The following SORCS1 variants were observed in gnomAD, a reference collection of about 807,000 sequenced individuals.
The protein encoded by SORCS1 is sortilin related VPS10 domain containing receptor 1.
Under a neutral mutation model 146.1 loss-of-function variants are expected in SORCS1, and 60 were observed. That is an observed-to-expected ratio of 0.41 (90% confidence interval 0.33 to 0.51). SORCS1 has a LOEUF of 0.51. SORCS1 is among the 20% of genes least tolerant of loss of function. SORCS1 has a pLI of 0.21. For missense variants in SORCS1, 1,352 were observed against 1,487.6 expected (o/e 0.91, Z 1.50); for synonymous variants, 637 against 584.0 (o/e 1.09, Z -1.31).
chr10:107,070,442 T>A (rs1024872613), intron 1 of SORCS1, among the ~76,000 whole-genome samples: 2 of 152,162 alleles, frequency 1.3e-5, no homozygotes, highest in African/African-American at 2.4e-5. Flanking sequence ...TTCTGCACTA[T>A]GAGATAAAAA....
intron 1 of SORCS1, among the ~76,000 whole-genome samples, chr10:107,084,895 G>A (rs928697363): frequency 2.0e-5 from 3 of 152,038 alleles, no homozygotes; most frequent in African/African-American, 4.8e-5. Context: ...AGAATCAATC[G>A]TTCATGAGAC....
intron 2 of SORCS1, among the ~76,000 whole-genome samples, chr10:106,924,685 C>G (rs969942375): frequency 2.0e-5 from 3 of 150,632 alleles, no homozygotes; most frequent in African/African-American, 7.3e-5. Flanking sequence ...GGTGCTGCTG[C>G]TAGTGACAGC....
intron 1 of SORCS1, among the ~76,000 whole-genome samples, chr10:107,074,586 G>C (rs957513713): frequency 1.3e-4 from 20 of 152,094 alleles, no homozygotes; most frequent in Admixed American, 1.2e-3. Context: ...TGGATCATTT[G>C]GTAAGAGTAT....
intron 3 of SORCS1, among the ~76,000 whole-genome samples, chr10:106,810,007 G>A (rs1053948060): frequency 3.9e-5 from 6 of 152,110 alleles, no homozygotes; most frequent in Non-Finnish European, 7.4e-5. Flanking sequence ...GATCACCTGC[G>A]GTCAGGGGTT....
At chr10:106,602,630 A>G (rs1247902981) in intron 23 of SORCS1, among the ~76,000 whole-genome samples, 1 of 152,068 alleles carries the variant, frequency 6.6e-6, no homozygotes, top group Non-Finnish European at 1.5e-5. Context: ...CAAATCCGTC[A>G]TAAATATGTG....
At chr10:107,149,606 G>A (rs967905204) in intron 1 of SORCS1, among the ~76,000 whole-genome samples, 1 of 152,230 alleles carries the variant, frequency 6.6e-6, no homozygotes, top group South Asian at 2.1e-4. Flanking sequence ...ATGGTTTTGT[G>A]TACGTGCACG....
At chr10:106,735,201 T>G (rs1856865528) in intron 5 of SORCS1, among the ~76,000 whole-genome samples, 1 of 150,700 alleles carries the variant, frequency 6.6e-6, no homozygotes, top group Non-Finnish European at 1.5e-5. Context: ...ACAGAAATGA[T>G]CTATCAAAAT....
At chr10:106,700,395 T>A (rs821951) in intron 8 of SORCS1, among the ~76,000 whole-genome samples, 128,044 of 152,092 alleles carry the variant, frequency 0.84, 55,109 homozygotes, top group Non-Finnish European at 0.94. Flanking sequence ...AAGATAGTAG[T>A]CATAAAACAA....
intron 2 of SORCS1, among the ~76,000 whole-genome samples, chr10:106,948,483 G>A (rs1176810993): frequency 6.6e-6 from 1 of 151,836 alleles, no homozygotes; most frequent in East Asian, 1.9e-4. Flanking sequence ...GACCAGTCTG[G>A]GCAACAAGGT....
At chr10:107,131,429 C>T (rs974058019) in intron 1 of SORCS1, among the ~76,000 whole-genome samples, 3 of 152,184 alleles carry the variant, frequency 2.0e-5, no homozygotes, top group Admixed American at 6.5e-5. Context: ...TGGATGAAAG[C>T]CTCTCTCTTT....
intron 5 of SORCS1, among the ~76,000 whole-genome samples, chr10:106,745,885 T>C (rs1322068015): frequency 2.0e-5 from 3 of 152,226 alleles, no homozygotes; most frequent in Admixed American, 1.3e-4. Context: ...TGATATCTTG[T>C]ACTCCTTGAT....
chr10:106,974,535 C>T (rs1955915125), intron 1 of SORCS1, among the ~76,000 whole-genome samples: 2 of 152,138 alleles, frequency 1.3e-5, no homozygotes, highest in Non-Finnish European at 2.9e-5. Context: ...AGAAGCTTAA[C>T]AAGAGATCCA....
At chr10:106,651,704 G>GT (rs1849877656) in intron 18 of SORCS1, among the ~76,000 whole-genome samples, 1 of 152,178 alleles carries the variant, frequency 6.6e-6, no homozygotes, top group Non-Finnish European at 1.5e-5. Flanking sequence ...ATGATTTAAT[G>GT]TAAGTACTTA....
intron 1 of SORCS1, among the ~76,000 whole-genome samples, chr10:107,102,167 T>C (rs1030469314): frequency 1.3e-5 from 2 of 152,236 alleles, no homozygotes; most frequent in South Asian, 4.1e-4. Context: ...AACAAATGCA[T>C]GTTTAATAAT....
chr10:106,716,246 A>C (rs912642973), intron 6 of SORCS1, among the ~76,000 whole-genome samples: 1 of 152,184 alleles, frequency 6.6e-6, no homozygotes, highest in Non-Finnish European at 1.5e-5. Context: ...CCCAACACAC[A>C]GGGCCAATCA....
intron 1 of SORCS1, among the ~76,000 whole-genome samples, chr10:106,965,273 A>G (rs1389113083): frequency 6.6e-6 from 1 of 151,990 alleles, no homozygotes; most frequent in Non-Finnish European, 1.5e-5. Flanking sequence ...TTTTCTACCT[A>G]GGGAAGAAAC....
intron 8 of SORCS1, among the ~76,000 whole-genome samples, chr10:106,703,743 C>A (rs1854303893): frequency 1.3e-5 from 2 of 152,166 alleles, no homozygotes; most frequent in South Asian, 4.1e-4. Flanking sequence ...CCTGACAGGC[C>A]ATGAAATATA....
intron 2 of SORCS1, among the ~76,000 whole-genome samples, chr10:106,840,879 T>C (rs1474572160): frequency 1.4e-5 from 2 of 145,248 alleles, no homozygotes; most frequent in Non-Finnish European, 1.5e-5. Context: ...TTTTTTTGGA[T>C]GGAGTCTTGC....
chr10:106,768,602 C>A (rs1859753955), intron 4 of SORCS1, among the ~76,000 whole-genome samples: 1 of 152,176 alleles, frequency 6.6e-6, no homozygotes, highest in Non-Finnish European at 1.5e-5. Context: ...TTTCTAAGTA[C>A]CACATATCTG....
Sources: gnomAD v4.1 joint callset for allele counts (sites outside exome capture counted in the v4.1 genomes callset) on GRCh38, gnomAD v4.1.1 for gene constraint, MANE v1.5 for transcripts, NCBI Gene and HGNC (gene_info 2026-07-23, HGNC 2026-07-21) for gene names.